The following LGMN variants were observed in gnomAD, a reference collection of about 807,000 sequenced individuals.
The protein encoded by LGMN is legumain, also known as asparaginyl endopeptidase.
LGMN carries 36 observed loss-of-function variants against 56.8 expected under a neutral mutation model. The observed-to-expected ratio is 0.63, with a 90% CI of 0.49 to 0.84. The LOEUF (loss-of-function observed/expected upper bound fraction) is 0.84. Ranked by LOEUF, LGMN falls within the 40% of genes least tolerant of loss-of-function variation. The pLI is 0.00. For missense variants in LGMN, 446 were observed against 556.1 expected (o/e 0.80, Z 1.99); for synonymous variants, 199 against 210.1 (o/e 0.95, Z 0.46).
intron 1 of LGMN, chr14:92,741,486 G>A (rs1891553827): frequency 6.6e-6 from 1 of 152,144 alleles, no homozygotes. Context: ...GTTAGACAAT[G>A]AAATCTGTAA....
intron 1 of LGMN, among the ~76,000 whole-genome samples, chr14:92,744,130 G>A (rs1378370545): frequency 6.6e-6 from 1 of 151,850 alleles, no homozygotes; most frequent in Non-Finnish European, 1.5e-5. Flanking sequence ...CTCCAGCCTG[G>A]TGACAGGGTA....
chr14:92,712,658 C>T, intron 8 of LGMN, 147 bp downstream of exon 8: 1 of 684,724 alleles, frequency 1.5e-6, no homozygotes, highest in Non-Finnish European at 2.6e-6. Context: ...AGAGGAAGCC[C>T]AGAGCTACCT....
chr14:92,717,997 T>G (rs552178762), intron 3 of LGMN, among the ~76,000 whole-genome samples: 5 of 152,156 alleles, frequency 3.3e-5, no homozygotes, highest in African/African-American at 1.2e-4. Flanking sequence ...CTGCAAGAAA[T>G]CAGATAAGCA....
At chr14:92,717,970 C>G (rs1444648339) in intron 3 of LGMN, among the ~76,000 whole-genome samples, 1 of 152,204 alleles carries the variant, frequency 6.6e-6, no homozygotes, top group Non-Finnish European at 1.5e-5. Context: ...TATGCCCATA[C>G]TTGCTGCCTC....
chr14:92,724,117 T>A (rs1470816100), intron 2 of LGMN, among the ~76,000 whole-genome samples: 1 of 152,260 alleles, frequency 6.6e-6, no homozygotes, highest in Non-Finnish European at 1.5e-5. Flanking sequence ...TAAAAAATCA[T>A]TGAATTAGAT....
In LGMN at chr14:92,723,610, C is replaced by CA. The variant is rs527737369; in HGVS notation, c.139-4767dup. 5.9e-5 allele frequency among the ~76,000 whole-genome samples: 9 copies of CA among 152,296 alleles called. No homozygotes were observed. In the East Asian group the frequency reaches 1.7e-3, roughly 29 times the overall value. The stretch of plus-strand genomic sequence containing the variant: ...ACATGACACTAGGGGAAGCCAGACA[C>CA]AAAAGACCACACGCTGTTTAGCTCC... On this transcript the variant is annotated intron_variant, in intron 2 of 13. Transcript: ENST00000334869.
intron 1 of LGMN, among the ~76,000 whole-genome samples, chr14:92,735,933 C>T (rs1435317011): frequency 6.6e-6 from 1 of 152,102 alleles, no homozygotes; most frequent in Non-Finnish European, 1.5e-5. Flanking sequence ...CAAGTCCACT[C>T]GACCTGACAA....
chr14:92,724,317 C>T (rs1890640634), intron 2 of LGMN, among the ~76,000 whole-genome samples: 1 of 152,210 alleles, frequency 6.6e-6, no homozygotes, highest in African/African-American at 2.4e-5. Context: ...TCAGGAAGGG[C>T]CATGGCTGAC....
chr14:92,735,167 G>T (rs1414581261), intron 1 of LGMN, among the ~76,000 whole-genome samples: 1 of 152,112 alleles, frequency 6.6e-6, no homozygotes, highest in East Asian at 1.9e-4. Flanking sequence ...GGGGATCTAG[G>T]AGGCAGATTC....
At position 92,714,521 on chromosome 14, in the gene LGMN, C is replaced by A; in HGVS notation, c.405-70G>T. On this transcript the variant is annotated intron_variant, in intron 5 of 13. Coordinates refer to ENST00000334869, the MANE Select transcript of LGMN (RefSeq NM_005606.7). The surrounding 1 kb of genome is among the most constrained non-coding windows in gnomAD (Gnocchi z 5.1). ...TTACTTCTATTTCTCTGAAAAGCTG[C>A]CCTAATCAAAAAATTAAGAAGTTTG... is the stretch of plus-strand genomic sequence containing the variant. 8.5e-7 allele frequency: 1 copy of A among 1,177,610 alleles called. No homozygotes were observed. Among genetic ancestry groups the A allele is most frequent in the South Asian group, 1.3e-5 (1 of 75,024 alleles). 72.9% of individuals were successfully genotyped at this position (1,177,610 alleles called of 1,614,324 possible). A position where few individuals can be genotyped will look rare whatever the true frequency, so the allele number is the denominator to read the frequency against.
In LGMN at chr14:92,719,162, C is replaced by T. The variant is rs898009620; in HGVS notation, c.139-318G>A. On this transcript the variant is annotated intron_variant, in intron 2 of 13. Coordinates refer to ENST00000334869, the MANE Select transcript of LGMN (RefSeq NM_005606.7). ...ACCGCCACCACCACCGCCACTGCCA[C>T]CACCACCACCACCACCACCATCACC... Among the ~76,000 whole-genome samples the T allele has an allele frequency of 6.5e-3, 556 of 85,064 alleles. 28 individuals carry two copies. The highest frequency in any genetic ancestry group is 0.033 in the African/African-American group (513 of 15,420). The allele number at this position is 85,064 out of a possible 152,430, so 55.8% of individuals were successfully genotyped here.
chr14:92,706,374 C>T, intron 12 of LGMN, 109 bp downstream of exon 12: 1 of 932,388 alleles, frequency 1.1e-6, no homozygotes, highest in Admixed American at 2.8e-5. Context: ...CCCACTGTTT[C>T]TCAGCCTGGA....
intron 2 of LGMN, among the ~76,000 whole-genome samples, chr14:92,723,493 C>G (rs1240891590): frequency 1.3e-5 from 2 of 152,180 alleles, no homozygotes; most frequent in African/African-American, 4.8e-5. Flanking sequence ...AATGGGCAGG[C>G]AAAACGTGGT....
rs759121750 is a variant in LGMN at position 92,711,858 on chromosome 14, G to C, written c.708C>G (p.Asn236Lys). Residue 236 changes from asparagine (N) to lysine (K), a missense_variant, in exon 9 of 14, where the codon AAC becomes AAG. Physicochemically the swap from Asn to Lys is moderately conservative, Grantham distance 94 (BLOSUM62 0). Coordinates refer to ENST00000334869, the MANE Select transcript of LGMN (RefSeq NM_005606.7). The stretch of plus-strand genomic sequence containing the variant: ...TCACCACGTCCGAATCTTCCATCCA[G>C]TTGACGCTGTACCAGTCCCCCAGGT... ...STYLGDWYSV[N>K]WMEDSDVEDL... is the part of the protein sequence containing the mutation. 3 of 1,613,686 alleles carry C rather than the reference G, an allele frequency of 1.9e-6. No homozygotes were observed. Among genetic ancestry groups the C allele is most frequent in the Admixed American group, 3.3e-5 (2 of 60,024 alleles).
At chr14:92,732,608 G>A in intron 2 of LGMN, 41 bp downstream of exon 2, 1 of 1,601,328 alleles carries the variant, frequency 6.2e-7, no homozygotes, top group Admixed American at 1.7e-5. Context: ...TTTTCAGAAT[G>A]CCAGTGTCCT....
chr14:92,737,876 G>A (rs1204235829), intron 1 of LGMN, among the ~76,000 whole-genome samples: 2 of 152,220 alleles, frequency 1.3e-5, no homozygotes, highest in Non-Finnish European at 2.9e-5. Flanking sequence ...CTGTCTGAGG[G>A]AGTGAGAAGA....
intron 2 of LGMN, among the ~76,000 whole-genome samples, chr14:92,729,513 G>A: frequency 1.0e-5 from 1 of 99,414 alleles, no homozygotes; most frequent in African/African-American, 4.0e-5. Flanking sequence ...AGCCCAAAAT[G>A]GAAAAGTGAG....
At chr14:92,711,783 A>T in intron 9 of LGMN, 35 bp from the exon 10 acceptor site, 1 of 1,611,466 alleles carries the variant, frequency 6.2e-7, no homozygotes, top group Non-Finnish European at 8.5e-7. Context: ...ACCTTTGACA[A>T]TCAGAGTCTG....
intron 1 of LGMN, chr14:92,733,797 ACT>A (rs1363422478): frequency 6.6e-6 from 1 of 152,160 alleles, no homozygotes. Context: ...GCAGAGTGAG[ACT>A]CTGGCTCAAA....
Sources: gnomAD v4.1 joint callset for allele counts (sites outside exome capture counted in the v4.1 genomes callset) on GRCh38, gnomAD v4.1.1 for gene constraint, Gnocchi (gnomAD v3.1) non-coding constraint, MANE v1.5 for transcripts, NCBI Gene and HGNC (gene_info 2026-07-23, HGNC 2026-07-21) for gene names.